The following COQ8A variants were observed in gnomAD, a reference collection of about 807,000 sequenced individuals.
COQ8A encodes the protein atypical kinase COQ8A, mitochondrial.
In COQ8A, 51 loss-of-function variants were observed where a neutral mutation model predicts 65.0. The observed-to-expected ratio is 0.78, with a 90% CI of 0.63 to 0.99. COQ8A has a LOEUF of 0.99. Among genes scored for constraint, COQ8A ranks in the 50% least tolerant of loss-of-function variants. The pLI is 0.00. For synonymous variants in COQ8A, 371 were observed against 353.2 expected (o/e 1.05, Z -0.57); for missense variants, 940 against 875.0 (o/e 1.07, Z -0.94).
chr1:226,945,700 C>T (rs114164192), intron 1 of COQ8A, among the ~76,000 whole-genome samples: 2,454 of 152,316 alleles, frequency 0.016, 63 homozygotes, highest in African/African-American at 0.053. Context: ...TTGGTGCTCA[C>T]GGTTCATGGG....
chr1:226,984,338 C>A, intron 11 of COQ8A, 103 bp downstream of exon 11: 1 of 1,548,498 alleles, frequency 6.5e-7, no homozygotes. Context: ...TGAGGTGCTC[C>A]CTGGGGGTGA....
chr1:226,945,593 G>A (rs1197245338), intron 1 of COQ8A, among the ~76,000 whole-genome samples: 1 of 152,168 alleles, frequency 6.6e-6, no homozygotes, highest in Non-Finnish European at 1.5e-5. Context: ...AAAAAATCCT[G>A]TGGCTCTTGC....
At chr1:226,954,874 G>T (rs1460323069) in intron 1 of COQ8A, among the ~76,000 whole-genome samples, 1 of 152,224 alleles carries the variant, frequency 6.6e-6, no homozygotes, top group Non-Finnish European at 1.5e-5. Flanking sequence ...TCAGGAAGTG[G>T]TCACTGCTGT....
intron 5 of COQ8A, among the ~76,000 whole-genome samples, chr1:226,981,200 T>C (rs1479742488): frequency 6.6e-6 from 1 of 152,194 alleles, no homozygotes; most frequent in Non-Finnish European, 1.5e-5. Flanking sequence ...CAGGCCTCTG[T>C]CTGCCTCTGG....
chr1:226,986,740 C>A lies in COQ8A; in HGVS notation c.*3C>A. 1 of 1,611,970 alleles carries A rather than the reference C, an allele frequency of 6.2e-7. No individual in the cohort carries two copies. Among genetic ancestry groups the A allele is most frequent in the East Asian group, 2.2e-5 (1 of 44,880 alleles). Reference sequence around the variant, plus strand: ...GCAAGAGGCAGGCCCAGCAGTAGGGCTGCGGGCCACGCCCAGGCCGGCTCC... The same window carrying A: ...GCAAGAGGCAGGCCCAGCAGTAGGGATGCGGGCCACGCCCAGGCCGGCTCC... On this transcript the variant is annotated 3_prime_UTR_variant, in exon 15 of 15. Coordinates refer to ENST00000366777, the MANE Select transcript of COQ8A (RefSeq NM_020247.5).
At chr1:226,956,174 CCG>C (rs1657736224) in intron 1 of COQ8A, among the ~76,000 whole-genome samples, 1 of 132,464 alleles carries the variant, frequency 7.5e-6, no homozygotes, top group African/African-American at 3.2e-5. Context: ...TCCCTGGTTC[CCG>C]CTCTCCCTGA....
Position 226,987,171 on chromosome 1 carries a change from TTG to T in COQ8A, c.*438_*439del, listed in dbSNP as rs1660169044. On this transcript the variant is annotated 3_prime_UTR_variant, in exon 15 of 15. Transcript: ENST00000366777. ...TGTGTATGTGTTTCTAGAGTGAGAT[TTG>T]TGTTTTCTGCCCTTTTCCTCTCCAG... 5.2e-6 allele frequency: 1 copy of T among 193,506 alleles called. No homozygotes were observed. Among genetic ancestry groups the T allele is most frequent in the Non-Finnish European group, 1.1e-5 (1 of 92,418 alleles). The allele number at this position is 193,506 out of a possible 1,614,324, so 12.0% of individuals were successfully genotyped here.
At position 226,978,699 on chromosome 1, in the gene COQ8A, ACCT is replaced by A. The variant is rs1205164654; in HGVS notation, c.730+1180_730+1182del. Among the ~76,000 whole-genome samples, 11 of 68,018 alleles carry A rather than the reference ACCT, an allele frequency of 1.6e-4. 2 individuals are homozygous for A. The South Asian group carries it at 3.5e-3, about 21-fold the overall frequency. The allele number at this position is 68,018 out of a possible 152,430, so 44.6% of individuals were successfully genotyped here. Reference sequence around the variant, plus strand: ...TTACACACCCTCCACACACCTGCACACCTCCTTACATCTTCCACACACCCACCT... The same window carrying A: ...TTACACACCCTCCACACACCTGCACACCTTACATCTTCCACACACCCACCT... On this transcript the variant is annotated intron_variant, in intron 5 of 14. Coordinates refer to ENST00000366777, the MANE Select transcript of COQ8A (RefSeq NM_020247.5).
chr1:226,957,284 C>A (rs1325289318), intron 1 of COQ8A, among the ~76,000 whole-genome samples: 1 of 125,562 alleles, frequency 8.0e-6, no homozygotes. Flanking sequence ...TCTCCCTGCC[C>A]CCCCCCCCCC....
At chr1:226,977,656 C>A in intron 5 of COQ8A, 133 bp downstream of exon 5, 2 of 990,682 alleles carry the variant, frequency 2.0e-6, no homozygotes, top group Non-Finnish European at 3.0e-6. Flanking sequence ...ACGTAAGTGG[C>A]GTCCCTGGGG....
chr1:226,950,846 A>G (rs1230512325), intron 1 of COQ8A, among the ~76,000 whole-genome samples: 1 of 152,180 alleles, frequency 6.6e-6, no homozygotes, highest in Non-Finnish European at 1.5e-5. Flanking sequence ...AAGAATGTAT[A>G]ATTTTTAAAC....
At chr1:226,981,880 A>T (rs1399776153) in intron 5 of COQ8A, 147 bp from the exon 6 acceptor site, 2 of 1,246,778 alleles carry the variant, frequency 1.6e-6, no homozygotes, top group Non-Finnish European at 2.3e-6. Context: ...GGAGGTGGAC[A>T]TGGAACAGTA....
At chr1:226,943,245 G>A (rs1195460424) in intron 1 of COQ8A, among the ~76,000 whole-genome samples, 1 of 152,238 alleles carries the variant, frequency 6.6e-6, no homozygotes, top group Non-Finnish European at 1.5e-5. Context: ...CATTATCTTT[G>A]TCCGTTGAAA....
In COQ8A at chr1:226,986,779, C is replaced by A. The variant is rs747917922; in HGVS notation, c.*42C>A. On this transcript the variant is annotated 3_prime_UTR_variant, in exon 15 of 15. Coordinates refer to ENST00000366777, the MANE Select transcript of COQ8A (RefSeq NM_020247.5). ...CAGGCCGGCTCCGCGGGAACTCTCT[C>A]CCTCAGACAGGCCAAAAACCAGTAG... 1 of 1,597,852 alleles carries A rather than the reference C, an allele frequency of 6.3e-7. No individual in the cohort carries two copies.
rs369418069 is a variant in COQ8A, at chr1:226,984,911, T to A, written c.1542T>A (p.Tyr514Ter). The change falls in exon 13 of 15, where the codon TAT becomes TAA. Residue 514 changes from tyrosine to a stop codon, truncating the protein, a stop_gained. Coordinates refer to ENST00000366777, the MANE Select transcript of COQ8A (RefSeq NM_020247.5). LOFTEE classifies it high-confidence loss of function. ...TGGATTTTGGGGCAACGCGGGAATATGACAGATCCTTCACCGACCTCTACA... is the reference window on the plus strand; with the variant it reads ...TGGATTTTGGGGCAACGCGGGAATAAGACAGATCCTTCACCGACCTCTACA... ...ALLDFGATRE[Y>*]DRSFTDLYIQ... The A allele has an allele frequency of 1.2e-6, 2 of 1,614,086 alleles. No homozygotes were observed. The highest frequency in any genetic ancestry group is 1.1e-5 in the South Asian group (1 of 91,092).
intron 5 of COQ8A, among the ~76,000 whole-genome samples, chr1:226,978,671 T>TCCTTACACACCCTCCACACACCTGCACA (rs148652833): frequency 0.053 from 2,806 of 53,074 alleles, 302 homozygotes; most frequent in African/African-American, 0.14. Flanking sequence ...CCTGCCCACC[T>TCCTTACACACCCTCCACACACCTGCACA]CCTTACACAC....
intron 1 of COQ8A, among the ~76,000 whole-genome samples, chr1:226,944,692 TGAGAGAGAGAGA>T (rs1174520293): frequency 3.6e-4 from 31 of 86,730 alleles, no homozygotes; most frequent in South Asian, 8.6e-4. Context: ...AGTTGTACCC[TGAGAGAGAGAGA>T]GAGAGAGAGA....
chr1:226,986,422 G>T, intron 14 of COQ8A, 31 bp from the exon 15 acceptor site: 1 of 1,607,770 alleles, frequency 6.2e-7, no homozygotes, highest in Non-Finnish European at 8.5e-7. Flanking sequence ...CTGGTGTCTC[G>T]CCGCCATTTA....
chr1:226,982,444 T>A (rs932970547), intron 6 of COQ8A: 9 of 645,340 alleles, frequency 1.4e-5, no homozygotes, highest in Non-Finnish European at 2.4e-5. Flanking sequence ...TATGAAAAAC[T>A]CTGCATGTTG....
Sources: gnomAD v4.1 joint callset for allele counts (sites outside exome capture counted in the v4.1 genomes callset) on GRCh38, gnomAD v4.1.1 for gene constraint, MANE v1.5 for transcripts, NCBI Gene and HGNC (gene_info 2026-07-23, HGNC 2026-07-21) for gene names.